CLEC2B: variants seen among roughly 807,000 people sequenced by gnomAD.
The protein encoded by CLEC2B is C-type (calcium dependent, carbohydrate-recognition domain) lectin, superfamily member 2 (activation-induced).
CLEC2B carries 14 observed loss-of-function variants against 16.2 expected under a neutral mutation model. The observed-to-expected ratio is 0.86, with a 90% CI of 0.57 to 1.35. The LOEUF is 1.35. Among genes scored for constraint, CLEC2B ranks in the 40% most tolerant of loss-of-function variants. The pLI is 0.00. For synonymous variants in CLEC2B, 42 were observed against 55.8 expected (o/e 0.75, Z 1.10); for missense variants, 166 against 182.3 (o/e 0.91, Z 0.52).
chr12:9,853,111 A>AAAGAGAGAGAGAGAGAGAGAGAGAGAGAG lies in CLEC2B; in HGVS notation c.*188_*189insCTCTCTCTCTCTCTCTCTCTCTCTCTCTT, dbSNP rs1867862850. The AAAGAGAGAGAGAGAGAGAGAGAGAGAGAG allele has an allele frequency of 2.5e-6, 1 of 403,346 alleles. No individual in the cohort carries two copies. The highest frequency in any genetic ancestry group is 4.3e-6 in the Non-Finnish European group (1 of 230,592). 25.0% of individuals were successfully genotyped at this position (403,346 alleles called of 1,614,324 possible). ...AGAGAGAGAGAAAGAAAGAAAGAAA[A>AAAGAGAGAGAGAGAGAGAGAGAGAGAGAG]AAACTCAGCAGAATACCTGTAACCA... is the stretch of plus-strand genomic sequence containing the variant. On this transcript the variant is annotated 3_prime_UTR_variant, in exon 5 of 5. Coordinates refer to ENST00000228438, the MANE Select transcript of CLEC2B (RefSeq NM_005127.3).
intron 4 of CLEC2B, 21 bp from the exon 5 acceptor site, chr12:9,853,429 A>G: frequency 1.9e-6 from 3 of 1,582,598 alleles, no homozygotes; most frequent in Non-Finnish European, 2.6e-6. Flanking sequence ...GGGATTAACC[A>G]TTATGTAGTC....
intron 2 of CLEC2B, among the ~76,000 whole-genome samples, chr12:9,861,880 C>T (rs1322221465): frequency 1.3e-5 from 2 of 151,970 alleles, no homozygotes; most frequent in East Asian, 3.8e-4. Flanking sequence ...GACACACAGC[C>T]ATGGTCAATG....
intron 2 of CLEC2B, among the ~76,000 whole-genome samples, chr12:9,861,788 G>T (rs1297791424): frequency 6.6e-6 from 1 of 151,848 alleles, no homozygotes; most frequent in Non-Finnish European, 1.5e-5. Context: ...AAGAAATAAA[G>T]TAATCAAAAT....
intron 1 of CLEC2B, among the ~76,000 whole-genome samples, chr12:9,862,977 C>T (rs1211354389): frequency 6.6e-6 from 1 of 152,196 alleles, no homozygotes; most frequent in South Asian, 2.1e-4. Flanking sequence ...GGTGCCTGAA[C>T]GAGGACAGGC....
At chr12:9,864,197 C>G (rs1867953837) in intron 1 of CLEC2B, among the ~76,000 whole-genome samples, 2 of 147,824 alleles carry the variant, frequency 1.4e-5, no homozygotes, top group Admixed American at 1.3e-4. Flanking sequence ...CTAAGAATAC[C>G]ATATCCTGCA....
At chr12:9,862,263 A>G (rs1443659563) in intron 2 of CLEC2B, among the ~76,000 whole-genome samples, 3 of 152,116 alleles carry the variant, frequency 2.0e-5, no homozygotes. Context: ...ATAGGCAAGA[A>G]AGTGTTGAAT....
At position 9,858,921 on chromosome 12, in the gene CLEC2B, A is replaced by G. The variant is rs531763982; in HGVS notation, c.74-1284T>C. Among the ~76,000 whole-genome samples the G allele has an allele frequency of 2.0e-5, 3 of 152,176 alleles. No homozygotes were observed. The East Asian group carries it at 5.8e-4, about 29-fold the overall frequency. ...AGATATATCACTGAAGTTGAAGTTG[A>G]AAGGAATATAAATGCCCTAATAAAT... On this transcript the variant is annotated intron_variant, in intron 2 of 4. Transcript: ENST00000228438.
intron 3 of CLEC2B, among the ~76,000 whole-genome samples, chr12:9,855,174 C>A (rs1867886189): frequency 6.6e-6 from 1 of 151,980 alleles, no homozygotes; most frequent in Non-Finnish European, 1.5e-5. Flanking sequence ...AGCTTGGAAA[C>A]TATATTCACA....
At chr12:9,853,462 G>A in intron 4 of CLEC2B, 54 bp from the exon 5 acceptor site, 1 of 1,442,390 alleles carries the variant, frequency 6.9e-7, no homozygotes, top group Non-Finnish European at 9.8e-7. Flanking sequence ...CCTTGCCCAT[G>A]GACACCTTTA....
intron 1 of CLEC2B, among the ~76,000 whole-genome samples, chr12:9,867,552 A>AT (rs1277127275): frequency 6.6e-6 from 1 of 152,130 alleles, no homozygotes; most frequent in Non-Finnish European, 1.5e-5. Flanking sequence ...TACATGAGTT[A>AT]TCAGAAAAAT....
At chr12:9,857,422 C>G in intron 3 of CLEC2B, 52 bp downstream of exon 3, 1 of 1,355,306 alleles carries the variant, frequency 7.4e-7, no homozygotes, top group East Asian at 2.3e-5. Flanking sequence ...TTGAATATTT[C>G]TAATGCTCCG....
chr12:9,867,978 C>A (rs1867984607), intron 1 of CLEC2B, among the ~76,000 whole-genome samples: 1 of 151,524 alleles, frequency 6.6e-6, no homozygotes, highest in Admixed American at 6.6e-5. Flanking sequence ...ATAAGCAGAG[C>A]AAATAAAATA....
intron 2 of CLEC2B, among the ~76,000 whole-genome samples, chr12:9,859,215 C>T (rs1348585950): frequency 6.6e-6 from 1 of 151,790 alleles, no homozygotes. Flanking sequence ...AGATAATTAT[C>T]CTACCTTACA....
At chr12:9,858,128 T>C (rs1867908068) in intron 2 of CLEC2B, among the ~76,000 whole-genome samples, 1 of 152,086 alleles carries the variant, frequency 6.6e-6, no homozygotes. Context: ...AGCCAATGAA[T>C]GGAACTAACA....
At chr12:9,860,872 T>A (rs1867927828) in intron 2 of CLEC2B, among the ~76,000 whole-genome samples, 1 of 151,880 alleles carries the variant, frequency 6.6e-6, no homozygotes, top group African/African-American at 2.4e-5. Flanking sequence ...ATAGTCTTTT[T>A]AATAAGTTAT....
rs373705895 is a variant in CLEC2B at position 9,854,557 on chromosome 12, C to T, written c.238-73G>A. On this transcript the variant is annotated intron_variant, in intron 3 of 4. Coordinates refer to ENST00000228438, the MANE Select transcript of CLEC2B (RefSeq NM_005127.3). ...ACAACCTACTGTGTACCTCTTGTTT[C>T]GTAGGTTGTGAAGTGCAAGGCAACA... The T allele has an allele frequency of 9.1e-5, 91 of 997,730 alleles. 3 individuals are homozygous for T. The South Asian group carries it at 9.4e-4, about 10-fold the overall frequency. The allele number at this position is 997,730 out of a possible 1,614,324, so 61.8% of individuals were successfully genotyped here.
intron 2 of CLEC2B, 83 bp downstream of exon 2, chr12:9,862,416 T>A: frequency 8.2e-7 from 1 of 1,213,304 alleles, no homozygotes; most frequent in Non-Finnish European, 1.1e-6. Flanking sequence ...AATGAGATAC[T>A]GAGAAAAGAT....
intron 2 of CLEC2B, among the ~76,000 whole-genome samples, chr12:9,858,388 A>G (rs551923471): frequency 1.3e-5 from 2 of 152,190 alleles, no homozygotes; most frequent in African/African-American, 4.8e-5. Flanking sequence ...CATTCATGTT[A>G]TCCCTAATTT....
intron 1 of CLEC2B, among the ~76,000 whole-genome samples, chr12:9,866,772 T>TAA (rs531342028): frequency 1.3e-5 from 2 of 151,442 alleles, no homozygotes; most frequent in Admixed American, 6.6e-5. Flanking sequence ...CCTTTTCAAT[T>TAA]AAAAAAAAAT....
Sources: allele counts gnomAD v4.1 joint callset (sites outside exome capture counted in the v4.1 genomes callset), GRCh38; gene constraint gnomAD v4.1.1; transcripts MANE v1.5; gene names NCBI Gene and HGNC (gene_info 2026-07-23, HGNC 2026-07-21).